GULP1: variants seen among roughly 807,000 people sequenced by gnomAD.
The protein encoded by GULP1 is PTB domain-containing engulfment adapter protein 1.
A neutral mutation model predicts 40.9 loss-of-function variants in GULP1; 19 were observed. That is an observed-to-expected ratio of 0.46 (90% confidence interval 0.32 to 0.68). GULP1 has a LOEUF of 0.68. GULP1 is among the 30% of genes least tolerant of loss of function. The pLI, the probability that GULP1 is intolerant of heterozygous loss-of-function variation, is 0.03. For missense variants in GULP1, 312 were observed against 362.2 expected (o/e 0.86, Z 1.12); for synonymous variants, 119 against 117.6 (o/e 1.01, Z -0.08).
chr2:188,371,767 G>A (rs1246901646), intron 1 of GULP1, among the ~76,000 whole-genome samples: 1 of 151,948 alleles, frequency 6.6e-6, no homozygotes, highest in African/African-American at 2.4e-5. Context: ...TTATTTACTT[G>A]TCTGTCTACT....
chr2:188,418,874 C>A (rs1369110562), intron 2 of GULP1, among the ~76,000 whole-genome samples: 1 of 152,076 alleles, frequency 6.6e-6, no homozygotes, highest in Non-Finnish European at 1.5e-5. Context: ...ATTATTAACT[C>A]CCCATTTCTC....
rs144214350 is a variant in GULP1, at chr2:188,406,652, C to T, written c.-45+22763C>T. The stretch of plus-strand genomic sequence containing the variant: ...TCTGTAAACTTGAAGATAGGTTATT[C>T]GAAAATATACAGTTAGAGAACAAAA... On this transcript the variant is annotated intron_variant, in intron 2 of 11. Coordinates refer to ENST00000409830, the MANE Select transcript of GULP1 (RefSeq NM_016315.4). 6.0e-3 allele frequency among the ~76,000 whole-genome samples: 905 copies of T among 151,016 alleles called. 4 individuals are homozygous for T. Among genetic ancestry groups the T allele is most frequent in the Non-Finnish European group, 0.01 (681 of 67,810 alleles).
Position 188,442,445 on chromosome 2 carries a change from T to C in GULP1, c.-44-35214T>C, listed in dbSNP as rs561642036. Among the ~76,000 whole-genome samples, 10 of 152,300 alleles carry C rather than the reference T, an allele frequency of 6.6e-5. No individual in the cohort carries two copies. The South Asian group carries it at 1.7e-3, about 25-fold the overall frequency. On this transcript the variant is annotated intron_variant, in intron 2 of 11. Coordinates refer to ENST00000409830, the MANE Select transcript of GULP1 (RefSeq NM_016315.4). ...TATAATGGATAACCAATTTGCTCTG[T>C]GAATAAAAAGGCATTTAGATGTTAT...
At chr2:188,541,806 T>C (rs1433602757) in intron 7 of GULP1, 1 of 169,458 alleles carries the variant, frequency 5.9e-6, no homozygotes, top group Non-Finnish European at 1.2e-5. Flanking sequence ...TAGTTCCTTA[T>C]GTTCATTGTA....
rs147170586 is a variant in GULP1 at position 188,522,942 on chromosome 2, A to G, written c.162+115A>G. The G allele has an allele frequency of 7.9e-3, 4,982 of 627,088 alleles. 45 individuals carry two copies. The highest frequency in any genetic ancestry group is 0.013 in the Non-Finnish European group (4,365 of 337,064). 38.8% of individuals were successfully genotyped at this position (627,088 alleles called of 1,614,324 possible). On this transcript the variant is annotated intron_variant, in intron 5 of 11. Coordinates refer to ENST00000409830, the MANE Select transcript of GULP1 (RefSeq NM_016315.4). Reference sequence around the variant, plus strand: ...CTGCAGGTATAGCTTCACCCTATTAAAAATGAACTATTGAACAAATGTAAT... The same window carrying G: ...CTGCAGGTATAGCTTCACCCTATTAGAAATGAACTATTGAACAAATGTAAT...
chr2:188,458,969 A>G (rs556433992), intron 2 of GULP1, among the ~76,000 whole-genome samples: 46 of 152,256 alleles, frequency 3.0e-4, no homozygotes, highest in African/African-American at 1.1e-3. Flanking sequence ...TGCCTGGCCT[A>G]TTTCACTGAA....
chr2:188,431,362 A>C (rs1182760914), intron 2 of GULP1, among the ~76,000 whole-genome samples: 3 of 152,336 alleles, frequency 2.0e-5, no homozygotes, highest in Middle Eastern at 6.8e-3. Context: ...AAAGAAAAAA[A>C]AATGTTGAAG....
At chr2:188,494,708 T>C (rs1209878914) in intron 4 of GULP1, among the ~76,000 whole-genome samples, 3 of 152,068 alleles carry the variant, frequency 2.0e-5, no homozygotes, top group African/African-American at 7.2e-5. Context: ...TTAAGTAGCA[T>C]CACATTTTTC....
At chr2:188,515,913 A>G (rs975454512) in intron 4 of GULP1, among the ~76,000 whole-genome samples, 2 of 152,194 alleles carry the variant, frequency 1.3e-5, no homozygotes, top group Non-Finnish European at 2.9e-5. Flanking sequence ...CAAATAATCT[A>G]TGTCCATTTA....
chr2:188,513,891 A>C (rs534032456), intron 4 of GULP1, among the ~76,000 whole-genome samples: 1 of 152,184 alleles, frequency 6.6e-6, no homozygotes, highest in African/African-American at 2.4e-5. Flanking sequence ...TGAGAAAAAA[A>C]ATATCAGTTC....
At chr2:188,468,040 G>A (rs558918730) in intron 2 of GULP1, among the ~76,000 whole-genome samples, 47 of 152,188 alleles carry the variant, frequency 3.1e-4, no homozygotes, top group South Asian at 2.7e-3. Context: ...AATCAACAGC[G>A]TTTGCTTGAC....
At chr2:188,568,864 C>T (rs1043834520) in intron 7 of GULP1, among the ~76,000 whole-genome samples, 1 of 152,104 alleles carries the variant, frequency 6.6e-6, no homozygotes, top group Non-Finnish European at 1.5e-5. Flanking sequence ...CTACATTTGG[C>T]ACTCTGCTTT....
intron 4 of GULP1, among the ~76,000 whole-genome samples, chr2:188,491,185 A>C (rs1368842075): frequency 6.6e-6 from 1 of 152,126 alleles, no homozygotes; most frequent in East Asian, 1.9e-4. Flanking sequence ...GTCAAGCAAT[A>C]GCATTCTGAA....
intron 2 of GULP1, among the ~76,000 whole-genome samples, chr2:188,429,376 T>C (rs1393739256): frequency 6.6e-6 from 1 of 152,026 alleles, no homozygotes; most frequent in Non-Finnish European, 1.5e-5. Flanking sequence ...GGTGCATGCC[T>C]GTAGTCCCAG....
At position 188,594,169 on chromosome 2, in the gene GULP1, T is replaced by C. The variant is rs1704119570; in HGVS notation, c.*158T>C. The stretch of plus-strand genomic sequence containing the variant: ...AGTTAAATTTCCTCACCTTCACTAT[T>C]GATCTGTAATTTTTATTTTAAAAAC... On this transcript the variant is annotated 3_prime_UTR_variant, in exon 12 of 12. Transcript: ENST00000409830. 1 of 478,086 alleles carries C rather than the reference T, an allele frequency of 2.1e-6. No individual in the cohort carries two copies. The highest frequency in any genetic ancestry group is 1.9e-5 in the African/African-American group (1 of 51,700). The allele number at this position is 478,086 out of a possible 1,614,324, so 29.6% of individuals were successfully genotyped here.
At chr2:188,321,996 G>A (rs886722721) in intron 1 of GULP1, among the ~76,000 whole-genome samples, 1 of 152,082 alleles carries the variant, frequency 6.6e-6, no homozygotes, top group Non-Finnish European at 1.5e-5. Flanking sequence ...TTGCACTCCA[G>A]CCTGGACAAC....
chr2:188,299,805 A>G (rs2035804586), intron 1 of GULP1, among the ~76,000 whole-genome samples: 1 of 152,212 alleles, frequency 6.6e-6, no homozygotes, highest in Non-Finnish European at 1.5e-5. Context: ...TGTGCAGGTG[A>G]TTCTTAGACC....
At chr2:188,454,843 G>A (rs2059129054) in intron 2 of GULP1, among the ~76,000 whole-genome samples, 1 of 152,148 alleles carries the variant, frequency 6.6e-6, no homozygotes, top group African/African-American at 2.4e-5. Context: ...AAAACCTTCG[G>A]CTGGGCATGG....
At chr2:188,585,448 G>T (rs1702171804) in intron 10 of GULP1, among the ~76,000 whole-genome samples, 1 of 152,206 alleles carries the variant, frequency 6.6e-6, no homozygotes, top group Non-Finnish European at 1.5e-5. Flanking sequence ...CTCTGCTCCT[G>T]CCACAGACTT....
Sources: gnomAD v4.1 joint callset for allele counts (sites outside exome capture counted in the v4.1 genomes callset) on GRCh38, gnomAD v4.1.1 for gene constraint, MANE v1.5 for transcripts, NCBI Gene and HGNC (gene_info 2026-07-23, HGNC 2026-07-21) for gene names.